ARHGEF10L: variants seen among roughly 807,000 people sequenced by gnomAD.
ARHGEF10L encodes the protein Rho guanine nucleotide exchange factor 10 like, also known as rho guanine nucleotide exchange factor 10-like protein.
In ARHGEF10L, 69 loss-of-function variants were observed where a neutral mutation model predicts 141.2. The observed-to-expected ratio is 0.49, with a 90% CI of 0.40 to 0.60. The LOEUF (loss-of-function observed/expected upper bound fraction) is 0.60. Ranked by LOEUF, ARHGEF10L falls within the 20% of genes least tolerant of loss-of-function variation. ARHGEF10L has a pLI of 0.00. For synonymous variants in ARHGEF10L, 711 were observed against 718.5 expected (o/e 0.99, Z 0.17); for missense variants, 1,482 against 1,734.3 (o/e 0.85, Z 2.58).
At chr1:17,665,405 T>C (rs2062912046) in intron 26 of ARHGEF10L, among the ~76,000 whole-genome samples, 1 of 152,054 alleles carries the variant, frequency 6.6e-6, no homozygotes, top group Non-Finnish European at 1.5e-5. Context: ...AGGGCTGGGC[T>C]CCAGATGACA....
At chr1:17,679,402 A>G (rs1287811319) in intron 26 of ARHGEF10L, among the ~76,000 whole-genome samples, 1 of 152,146 alleles carries the variant, frequency 6.6e-6, no homozygotes, top group Non-Finnish European at 1.5e-5. Flanking sequence ...GAGTATTGGC[A>G]CTGGAGTCCC....
intron 18 of ARHGEF10L, among the ~76,000 whole-genome samples, chr1:17,636,075 C>A (rs932821048): frequency 6.6e-6 from 1 of 152,178 alleles, no homozygotes; most frequent in African/African-American, 2.4e-5. Context: ...GCCCCACGTG[C>A]CTTCCTCGGA....
chr1:17,697,668 G>GT lies in ARHGEF10L; in HGVS notation c.*291dup, dbSNP rs1444459868. The stretch of plus-strand genomic sequence containing the variant: ...CTGCCTGGCAAGCCCAGTATCACTT[G>GT]TTTGGGCCCTAGCGGGACTCCAAGG... On this transcript the variant is annotated 3_prime_UTR_variant, in exon 29 of 29. Coordinates refer to ENST00000361221, the MANE Select transcript of ARHGEF10L (RefSeq NM_018125.4). This position sits in a 1 kb window ranked among gnomAD's most constrained non-coding sequence, Gnocchi z 4.8. 1.7e-6 allele frequency: 1 copy of GT among 582,164 alleles called. No individual in the cohort carries two copies. The highest frequency in any genetic ancestry group is 2.2e-5 in the Admixed American group (1 of 46,110). The allele number at this position is 582,164 out of a possible 1,614,324, so 36.1% of individuals were successfully genotyped here.
chr1:17,547,439 T>C (rs2076956899), intron 1 of ARHGEF10L, among the ~76,000 whole-genome samples: 1 of 152,226 alleles, frequency 6.6e-6, no homozygotes, highest in Non-Finnish European at 1.5e-5. Flanking sequence ...GTAAAAGTCC[T>C]GGTTCTAGTC....
chr1:17,540,887 G>A (rs1557683224), intron 1 of ARHGEF10L, among the ~76,000 whole-genome samples: 1 of 152,186 alleles, frequency 6.6e-6, no homozygotes, highest in Non-Finnish European at 1.5e-5. Context: ...AGGGCAGGTT[G>A]TGCGGGCTCA....
At chr1:17,579,520 C>T (rs1486562907) in intron 1 of ARHGEF10L, among the ~76,000 whole-genome samples, 6 of 152,220 alleles carry the variant, frequency 3.9e-5, no homozygotes, top group African/African-American at 9.6e-5. Flanking sequence ...GAATAATAGA[C>T]GTTAATATTT....
Position 17,697,222 on chromosome 1 carries a change from C to A in ARHGEF10L, c.3682C>A (p.Arg1228Ser), listed in dbSNP as rs143620430. The change falls in exon 29 of 29, where the codon CGC becomes AGC. Residue 1228 changes from arginine (R) to serine (S), a missense_variant. By Grantham distance (110) the Arg-to-Ser change is moderately radical (BLOSUM62 -1). This residue lies in a region of ARHGEF10L where 858 missense variants were observed against 966.3 expected (regional missense o/e 0.89). Coordinates refer to ENST00000361221, the MANE Select transcript of ARHGEF10L (RefSeq NM_018125.4). This position sits in a 1 kb window ranked among gnomAD's most constrained non-coding sequence, Gnocchi z 4.8. ...CTGGGTGCGCAGCCGGCCCTGCGCC[C>A]GCGACGCCCACCGCAAGGAGATTTG... ...DIWVRSRPCA[R>S]DAHRKEICSV... 12 of 1,612,068 alleles carry A rather than the reference C, an allele frequency of 7.4e-6. No individual in the cohort carries two copies. Among genetic ancestry groups the A allele is most frequent in the Non-Finnish European group, 9.3e-6 (11 of 1,179,592 alleles).
intron 1 of ARHGEF10L, among the ~76,000 whole-genome samples, chr1:17,570,921 C>A (rs991325570): frequency 6.6e-6 from 1 of 151,956 alleles, no homozygotes; most frequent in Admixed American, 6.6e-5. Flanking sequence ...TGCTAGCAAG[C>A]GGGATGGGAA....
rs377059184 is a variant in ARHGEF10L at position 17,579,864 on chromosome 1, T to G, written c.-43-689T>G. Among the ~76,000 whole-genome samples the G allele has an allele frequency of 5.3e-5, 8 of 152,346 alleles. 1 individual carries two copies. The South Asian group carries it at 1.7e-3, about 32-fold the overall frequency. ...AAGCCCACCGGAGGCATCAGCCTTT[T>G]GCTTATGTGAGCTCCCACTGTGAGG... is the stretch of plus-strand genomic sequence containing the variant. On this transcript the variant is annotated intron_variant, in intron 1 of 28. Coordinates refer to ENST00000361221, the MANE Select transcript of ARHGEF10L (RefSeq NM_018125.4).
At chr1:17,635,727 C>T (rs1237059182) in intron 18 of ARHGEF10L, among the ~76,000 whole-genome samples, 2 of 152,200 alleles carry the variant, frequency 1.3e-5, no homozygotes, top group Non-Finnish European at 2.9e-5. Flanking sequence ...CGGTTGATGT[C>T]TCTCCTCTCA....
the ARHGEF10L span, among the ~76,000 whole-genome samples, chr1:17,529,610 A>G: frequency 6.6e-6 from 1 of 152,180 alleles, no homozygotes; most frequent in Non-Finnish European, 1.5e-5. Flanking sequence ...TGAGGGCAAA[A>G]TGACCCATGA....
In ARHGEF10L at chr1:17,607,805, C is replaced by A; in HGVS notation, c.437C>A (p.Ala146Glu). The A allele has an allele frequency of 6.3e-7, 1 of 1,576,686 alleles. No individual in the cohort carries two copies. The highest frequency in any genetic ancestry group is 1.1e-5 in the South Asian group (1 of 87,056). The change falls in exon 7 of 29, where the codon GCA becomes GAA. Residue 146 changes from alanine (A) to glutamate (E), a missense_variant. Ala to Glu is a moderately radical substitution (Grantham distance 107). Around this residue, in one of 3 missense-constraint regions of ARHGEF10L, gnomAD observed 232 missense variants for 225.9 expected, o/e 1.03. Coordinates refer to ENST00000361221, the MANE Select transcript of ARHGEF10L (RefSeq NM_018125.4). This position sits in a 1 kb window ranked among gnomAD's most constrained non-coding sequence, Gnocchi z 4.5. ...CCGGCTGCCGCTTGGCCAGCAGGGGCAGAGAGGAACCTGCTCTACGAGGAT... is the reference window on the plus strand; with the variant it reads ...CCGGCTGCCGCTTGGCCAGCAGGGGAAGAGAGGAACCTGCTCTACGAGGAT... ...CESPDAHQPG[A>E]ERNLLYEDAH... is the part of the protein sequence containing the mutation.
At chr1:17,546,593 T>C (rs2076923684) in intron 1 of ARHGEF10L, among the ~76,000 whole-genome samples, 1 of 152,148 alleles carries the variant, frequency 6.6e-6, no homozygotes, top group Non-Finnish European at 1.5e-5. Context: ...CGTGCTCCCC[T>C]CCTTTATGCG....
chr1:17,527,689 A>G, the ARHGEF10L span, among the ~76,000 whole-genome samples: 1 of 149,088 alleles, frequency 6.7e-6, no homozygotes, highest in Non-Finnish European at 1.5e-5. Context: ...TTTTTTTTCT[A>G]CGCCTGAAAC....
intron 26 of ARHGEF10L, among the ~76,000 whole-genome samples, chr1:17,686,380 T>A (rs1432656889): frequency 1.1e-4 from 17 of 152,222 alleles, no homozygotes; most frequent in Admixed American, 1.1e-3. Context: ...TGACAGGCAC[T>A]AAAGGGCATG....
the ARHGEF10L span, among the ~76,000 whole-genome samples, chr1:17,533,953 TTTC>T: frequency 9.2e-3 from 1,391 of 151,896 alleles, 25 homozygotes; most frequent in East Asian, 0.065. Flanking sequence ...ATCCACCCAC[TTTC>T]TTCTTCTTCT....
Position 17,639,691 on chromosome 1 carries a change from C to T in ARHGEF10L, c.2172-511C>T. 2 of 491,020 alleles carry T rather than the reference C, an allele frequency of 4.1e-6. No individual in the cohort carries two copies. Among genetic ancestry groups the T allele is most frequent in the Non-Finnish European group, 7.3e-6 (2 of 274,982 alleles). 30.4% of individuals were successfully genotyped at this position (491,020 alleles called of 1,614,324 possible). A position where few individuals can be genotyped will look rare whatever the true frequency, so the allele number is the denominator to read the frequency against. On this transcript the variant is annotated intron_variant, in intron 20 of 28. Coordinates refer to ENST00000361221, the MANE Select transcript of ARHGEF10L (RefSeq NM_018125.4). The surrounding 1 kb of genome is among the most constrained non-coding windows in gnomAD (Gnocchi z 4.3). ...GACAGCGTGGTGACAACAGCAACCT[C>T]TGGTTGCCCCAAGCTGGTGCTTAAC... is the stretch of plus-strand genomic sequence containing the variant.
intron 26 of ARHGEF10L, among the ~76,000 whole-genome samples, chr1:17,675,579 A>G (rs1229750644): frequency 8.2e-5 from 10 of 121,644 alleles, no homozygotes; most frequent in African/African-American, 1.3e-4. Context: ...GCAGGTGTGG[A>G]TGCAGGGATG....
At chr1:17,571,311 C>T (rs1191561428) in intron 1 of ARHGEF10L, among the ~76,000 whole-genome samples, 2 of 152,188 alleles carry the variant, frequency 1.3e-5, no homozygotes, top group African/African-American at 2.4e-5. Context: ...TCCATCAGAA[C>T]CGGTGTAGTG....
Sources: gnomAD v4.1 joint callset for allele counts (sites outside exome capture counted in the v4.1 genomes callset) on GRCh38, gnomAD v4.1.1 for gene constraint, gnomAD v4.1.1 regional missense constraint, Gnocchi (gnomAD v3.1) non-coding constraint, MANE v1.5 for transcripts, NCBI Gene and HGNC (gene_info 2026-07-23, HGNC 2026-07-21) for gene names.